The following PRKG1 variants were observed in gnomAD, a reference collection of about 807,000 sequenced individuals.
PRKG1 encodes protein kinase cGMP-dependent 1.
PRKG1 carries 35 observed loss-of-function variants against 88.1 expected under a neutral mutation model. The observed-to-expected ratio is 0.40, with a 90% confidence interval of 0.30 to 0.53. PRKG1 has a LOEUF of 0.53. Ranked by LOEUF, PRKG1 falls within the 20% of genes least tolerant of loss-of-function variation. PRKG1 has a pLI of 0.59. For missense variants in PRKG1, 540 were observed against 839.8 expected, an observed-to-expected ratio of 0.64 and a Z score of 4.41; for synonymous variants, 303 against 292.5, an observed-to-expected ratio of 1.04 and a Z score of -0.37.
chr10:51,857,286 A>T (rs1486308891), intron 4 of PRKG1, among the ~76,000 whole-genome samples: 1 of 152,238 alleles, frequency 6.6e-6, no homozygotes, highest in Non-Finnish European at 1.5e-5. Flanking sequence ...AAAGACTAAC[A>T]TTGTATAATA....
chr10:51,274,475 T>C (rs1454513385), intron 2 of PRKG1, among the ~76,000 whole-genome samples: 1 of 152,250 alleles, frequency 6.6e-6, no homozygotes, highest in Non-Finnish European at 1.5e-5. Flanking sequence ...TGAAACATTG[T>C]ATCTCCTAGT....
At chr10:51,512,182 T>G (rs1182482304) in intron 3 of PRKG1, among the ~76,000 whole-genome samples, 1 of 150,162 alleles carries the variant, frequency 6.7e-6, no homozygotes, top group Non-Finnish European at 1.5e-5. Context: ...TTAATTTTTT[T>G]TTTTTTTTTA....
chr10:52,027,187 T>A (rs762097999), intron 5 of PRKG1, among the ~76,000 whole-genome samples: 3 of 152,118 alleles, frequency 2.0e-5, no homozygotes, highest in African/African-American at 4.8e-5. Flanking sequence ...GGTCACTAGA[T>A]AATCACTCAA....
chr10:52,291,204 G>A (rs1315317183), intron 17 of PRKG1, among the ~76,000 whole-genome samples: 2 of 151,730 alleles, frequency 1.3e-5, no homozygotes, highest in Non-Finnish European at 2.9e-5. Context: ...TTACAGACGT[G>A]AGCACCGCGC....
chr10:51,460,422 T>A (rs936707771), intron 2 of PRKG1, among the ~76,000 whole-genome samples: 2 of 152,174 alleles, frequency 1.3e-5, no homozygotes, highest in Admixed American at 1.3e-4. Flanking sequence ...AGCAAGAATG[T>A]ATTATACATT....
intron 7 of PRKG1, among the ~76,000 whole-genome samples, chr10:52,087,534 T>A (rs1220026726): frequency 6.6e-6 from 1 of 152,210 alleles, no homozygotes; most frequent in East Asian, 1.9e-4. Context: ...TTATAAATCT[T>A]GTCTTTAATT....
intron 3 of PRKG1, among the ~76,000 whole-genome samples, chr10:51,492,498 T>C (rs1179449501): frequency 6.6e-6 from 1 of 152,180 alleles, no homozygotes; most frequent in Non-Finnish European, 1.5e-5. Flanking sequence ...TGATGTAATG[T>C]TCTAAGCTAA....
At chr10:51,946,884 C>T (rs11000243) in intron 5 of PRKG1, among the ~76,000 whole-genome samples, 4,220 of 152,088 alleles carry the variant, frequency 0.028, 250 homozygotes, top group African/African-American at 0.096. Flanking sequence ...GGGGGTGCCT[C>T]CCAGTTAGGC....
intron 5 of PRKG1, among the ~76,000 whole-genome samples, chr10:51,941,948 G>A (rs370035212): frequency 1.3e-5 from 2 of 151,958 alleles, no homozygotes; most frequent in East Asian, 3.9e-4. Flanking sequence ...GTGATTTATA[G>A]TCCTTTGGGT....
chr10:51,132,678 C>T (rs948994475), intron 1 of PRKG1, among the ~76,000 whole-genome samples: 9 of 146,846 alleles, frequency 6.1e-5, no homozygotes, highest in African/African-American at 1.7e-4. Flanking sequence ...ACGTACATAC[C>T]GTATGTATTT....
At chr10:52,269,840 C>G (rs1014751951) in intron 10 of PRKG1, among the ~76,000 whole-genome samples, 5 of 151,980 alleles carry the variant, frequency 3.3e-5, no homozygotes, top group Non-Finnish European at 7.4e-5. Flanking sequence ...TCTTGTAAAA[C>G]CATAAACAGC....
At chr10:51,659,648 G>A (rs1420819745) in intron 3 of PRKG1, among the ~76,000 whole-genome samples, 1 of 152,074 alleles carries the variant, frequency 6.6e-6, no homozygotes, top group Non-Finnish European at 1.5e-5. Context: ...TATCTCACTT[G>A]TAGTCAACAA....
At chr10:51,485,723 C>T (rs1840513681) in intron 3 of PRKG1, among the ~76,000 whole-genome samples, 1 of 152,190 alleles carries the variant, frequency 6.6e-6, no homozygotes, top group Non-Finnish European at 1.5e-5. Flanking sequence ...TATAAGCTGG[C>T]AAAAAGCTTC....
At chr10:51,670,975 T>C (rs1840559329) in intron 3 of PRKG1, among the ~76,000 whole-genome samples, 1 of 152,130 alleles carries the variant, frequency 6.6e-6, no homozygotes, top group African/African-American at 2.4e-5. Context: ...TGTTGTTCTA[T>C]GCAATGTTTG....
At chr10:51,084,147 G>T (rs915944557) in intron 1 of PRKG1, among the ~76,000 whole-genome samples, 2 of 152,144 alleles carry the variant, frequency 1.3e-5, no homozygotes, top group Non-Finnish European at 2.9e-5. Context: ...CATTAATTAT[G>T]CAGGGAAGTT....
chr10:51,795,755 T>C (rs1226934877), intron 3 of PRKG1, among the ~76,000 whole-genome samples: 2 of 152,096 alleles, frequency 1.3e-5, no homozygotes, highest in Non-Finnish European at 2.9e-5. Flanking sequence ...TGTGAGCTGA[T>C]ATTCTTTAAT....
chr10:51,077,658 G>T (rs144378529), intron 1 of PRKG1, among the ~76,000 whole-genome samples: 13 of 152,238 alleles, frequency 8.5e-5, no homozygotes, highest in East Asian at 1.9e-4. Context: ...TGGAGGGAAG[G>T]TTCTGTCAGA....
intron 3 of PRKG1, among the ~76,000 whole-genome samples, chr10:51,527,822 G>T (rs1346556491): frequency 6.6e-6 from 1 of 152,140 alleles, no homozygotes; most frequent in Non-Finnish European, 1.5e-5. Flanking sequence ...CTTTAAGCTT[G>T]TATTTCAAAC....
At chr10:52,124,068 G>A (rs1051626847) in intron 7 of PRKG1, among the ~76,000 whole-genome samples, 7 of 152,162 alleles carry the variant, frequency 4.6e-5, no homozygotes, top group Non-Finnish European at 1.0e-4. Context: ...AATGGGTGAG[G>A]AGCATCTACA....
Sources: gnomAD v4.1 joint callset for allele counts (sites outside exome capture counted in the v4.1 genomes callset) on GRCh38, gnomAD v4.1.1 for gene constraint, MANE v1.5 for transcripts, NCBI Gene and HGNC (gene_info 2026-07-23, HGNC 2026-07-21) for gene names.